Variants in TBC1D4 observed in about 807,000 individuals in gnomAD.
TBC1D4 encodes the protein TBC1 domain family member 4.
A neutral mutation model predicts 142.5 loss-of-function variants in TBC1D4; 121 were observed. The observed-to-expected ratio is 0.85, with a 90% confidence interval of 0.73 to 0.99. TBC1D4 has a LOEUF of 0.99. TBC1D4 is among the 50% of genes least tolerant of loss of function. The pLI is 0.00. For missense variants in TBC1D4, 1,475 were observed against 1,606.6 expected (o/e 0.92, Z 1.40); for synonymous variants, 630 against 628.2 (o/e 1.00, Z -0.04).
chr13:75,429,552 G>T (rs1010185595), intron 1 of TBC1D4, among the ~76,000 whole-genome samples: 5 of 151,976 alleles, frequency 3.3e-5, no homozygotes, highest in Non-Finnish European at 7.4e-5. Flanking sequence ...CATTTATATT[G>T]TTGTCATAAA....
At chr13:75,318,726 T>C (rs540681009) in intron 12 of TBC1D4, among the ~76,000 whole-genome samples, 1 of 152,174 alleles carries the variant, frequency 6.6e-6, no homozygotes, top group African/African-American at 2.4e-5. Flanking sequence ...AATCAATATA[T>C]AGTATTTGAC....
intron 1 of TBC1D4, among the ~76,000 whole-genome samples, chr13:75,378,601 A>G (rs1351646994): frequency 6.6e-6 from 1 of 152,142 alleles, no homozygotes; most frequent in Admixed American, 6.5e-5. Flanking sequence ...AGTTGATCAC[A>G]ATGATAGCTG....
chr13:75,371,228 G>A (rs1227676794), intron 1 of TBC1D4, among the ~76,000 whole-genome samples: 5 of 152,190 alleles, frequency 3.3e-5, no homozygotes, highest in Non-Finnish European at 5.9e-5. Context: ...GGCAGCAGTA[G>A]GAGAAACAAG....
chr13:75,331,830 T>C (rs1229231013), intron 8 of TBC1D4, among the ~76,000 whole-genome samples: 8 of 139,492 alleles, frequency 5.7e-5, no homozygotes, highest in African/African-American at 1.8e-4. Flanking sequence ...AATTTTCTAC[T>C]ATACAACTCA....
intron 1 of TBC1D4, among the ~76,000 whole-genome samples, chr13:75,447,499 A>AGT (rs1887335918): frequency 4.8e-5 from 3 of 62,898 alleles, no homozygotes; most frequent in Non-Finnish European, 6.8e-5. Context: ...GCATAGTGTG[A>AGT]ATGTGTGTGT....
At chr13:75,378,796 C>G (rs1883659478) in intron 1 of TBC1D4, among the ~76,000 whole-genome samples, 2 of 151,962 alleles carry the variant, frequency 1.3e-5, no homozygotes, top group Admixed American at 1.3e-4. Context: ...AAACTGATGG[C>G]CATCAAGTGT....
At chr13:75,306,234 C>A in intron 15 of TBC1D4, 79 bp downstream of exon 15, 14 of 1,250,386 alleles carry the variant, frequency 1.1e-5, no homozygotes, top group Non-Finnish European at 1.5e-5. Context: ...AAAATCTGAG[C>A]TCCACAAATC....
chr13:75,312,322 T>C (rs926198781), intron 13 of TBC1D4, among the ~76,000 whole-genome samples: 1 of 151,366 alleles, frequency 6.6e-6, no homozygotes, highest in Non-Finnish European at 1.5e-5. Context: ...TGAGGTAAGA[T>C]GATTGCTTGA....
intron 1 of TBC1D4, among the ~76,000 whole-genome samples, chr13:75,388,977 G>GT (rs1349429446): frequency 2.0e-5 from 3 of 152,166 alleles, no homozygotes; most frequent in African/African-American, 7.2e-5. Flanking sequence ...TCTAACTTTA[G>GT]TTTTTTGTGC....
At chr13:75,342,192 A>G (rs150312054) in intron 5 of TBC1D4, among the ~76,000 whole-genome samples, 1,895 of 152,268 alleles carry the variant, frequency 0.012, 24 homozygotes, top group Non-Finnish European at 0.021. Context: ...GTGAGACTCC[A>G]TCTCAAAACA....
At chr13:75,409,179 T>C (rs1329966467) in intron 1 of TBC1D4, among the ~76,000 whole-genome samples, 1 of 152,306 alleles carries the variant, frequency 6.6e-6, no homozygotes, top group East Asian at 1.9e-4. Context: ...CACACAATGA[T>C]ATCATATATG....
At chr13:75,355,146 G>A (rs995732657) in intron 4 of TBC1D4, among the ~76,000 whole-genome samples, 1 of 152,230 alleles carries the variant, frequency 6.6e-6, no homozygotes, top group Admixed American at 6.5e-5. Flanking sequence ...GAAGGCGAGA[G>A]TCGGGCAGGG....
chr13:75,414,834 A>G (rs1325344874), intron 1 of TBC1D4, among the ~76,000 whole-genome samples: 2 of 152,180 alleles, frequency 1.3e-5, no homozygotes, highest in Non-Finnish European at 2.9e-5. Flanking sequence ...AAGCAAATCG[A>G]AAGTATGGGC....
intron 1 of TBC1D4, among the ~76,000 whole-genome samples, chr13:75,399,652 T>C (rs1048682305): frequency 2.6e-5 from 4 of 152,340 alleles, no homozygotes; most frequent in Admixed American, 2.6e-4. Context: ...GTTTTGCCTT[T>C]GAAGAAATGT....
At chr13:75,408,819 C>T (rs963450997) in intron 1 of TBC1D4, among the ~76,000 whole-genome samples, 1 of 152,210 alleles carries the variant, frequency 6.6e-6, no homozygotes, top group African/African-American at 2.4e-5. Context: ...TCTCTAATGA[C>T]GAATGATGTT....
intron 1 of TBC1D4, among the ~76,000 whole-genome samples, chr13:75,408,891 A>G (rs1885464705): frequency 6.6e-6 from 1 of 152,194 alleles, no homozygotes. Flanking sequence ...AACCATTCAA[A>G]TACTTTGCCC....
chr13:75,322,553 G>A (rs1262619875), intron 11 of TBC1D4, among the ~76,000 whole-genome samples: 1 of 152,126 alleles, frequency 6.6e-6, no homozygotes, highest in Non-Finnish European at 1.5e-5. Flanking sequence ...TGAACAATCT[G>A]TATAGACAGA....
At chr13:75,379,984 CA>C (rs1314182049) in intron 1 of TBC1D4, among the ~76,000 whole-genome samples, 1 of 141,050 alleles carries the variant, frequency 7.1e-6, no homozygotes, top group Non-Finnish European at 1.5e-5. Context: ...TGGCTCACCG[CA>C]ATCTCTGCTA....
At chr13:75,476,197 C>G (rs894493740) in intron 1 of TBC1D4, among the ~76,000 whole-genome samples, 3 of 152,116 alleles carry the variant, frequency 2.0e-5, no homozygotes, top group African/African-American at 7.2e-5. Flanking sequence ...GAGCCGAGAT[C>G]GCGCCACTGC....
Sources: allele counts gnomAD v4.1 joint callset (sites outside exome capture counted in the v4.1 genomes callset), GRCh38; gene constraint gnomAD v4.1.1; transcripts MANE v1.5; gene names NCBI Gene and HGNC (gene_info 2026-07-23, HGNC 2026-07-21).